MAP4K5: variants seen among roughly 807,000 people sequenced by gnomAD.
The protein encoded by MAP4K5 is mitogen-activated protein kinase kinase kinase kinase 5, also known as MAPK/ERK kinase kinase kinase 5.
Under a neutral mutation model 135.6 loss-of-function variants are expected in MAP4K5, and 82 were observed. The ratio of observed to expected loss-of-function variants is 0.60; its 90% CI spans 0.51 to 0.73. The LOEUF (loss-of-function observed/expected upper bound fraction) is 0.73. MAP4K5 is among the 30% of genes least tolerant of loss of function. MAP4K5 has a pLI of 0.00. For missense variants in MAP4K5, 907 were observed against 1,010.9 expected (o/e 0.90, Z 1.39); for synonymous variants, 347 against 335.0 (o/e 1.04, Z -0.39).
chr14:50,439,643 C>A (rs1476079437), intron 23 of MAP4K5, among the ~76,000 whole-genome samples: 3 of 152,148 alleles, frequency 2.0e-5, no homozygotes, highest in Non-Finnish European at 4.4e-5. Context: ...GTGACTTGTT[C>A]AGGATCGCAG....
chr14:50,449,830 A>C (rs1052299451), intron 14 of MAP4K5: 3 of 152,260 alleles, frequency 2.0e-5, no homozygotes, highest in Non-Finnish European at 4.4e-5. Flanking sequence ...TAGTCTTTTG[A>C]AACAGAGATG....
chr14:50,480,132 G>T (rs77083423), intron 6 of MAP4K5, among the ~76,000 whole-genome samples: 6,297 of 151,890 alleles, frequency 0.041, 137 homozygotes, highest in East Asian at 0.067. Flanking sequence ...AATCTTGGAG[G>T]TATTCCCTTC....
At chr14:50,423,056 A>G (rs1250982514) in intron 32 of MAP4K5, 65 bp downstream of exon 32, 4 of 694,220 alleles carry the variant, frequency 5.8e-6, no homozygotes, top group Non-Finnish European at 9.8e-6. Flanking sequence ...ACAGACTGAC[A>G]GTATAATTAA....
At chr14:50,423,244 A>T in intron 31 of MAP4K5, 68 bp from the exon 32 acceptor site, 1 of 642,008 alleles carries the variant, frequency 1.6e-6, no homozygotes, top group Non-Finnish European at 2.8e-6. Flanking sequence ...ATTTAAAATT[A>T]ATTTAGAGCA....
chr14:50,427,929 T>A (rs1486348209), intron 30 of MAP4K5, among the ~76,000 whole-genome samples: 2 of 152,168 alleles, frequency 1.3e-5, no homozygotes, highest in African/African-American at 2.4e-5. Context: ...GGCAAAGAAT[T>A]ATGGCATATC....
At chr14:50,422,195 T>C (rs1404300894) in intron 32 of MAP4K5, among the ~76,000 whole-genome samples, 1 of 152,190 alleles carries the variant, frequency 6.6e-6, no homozygotes. Context: ...GCCTCTCATT[T>C]TAGTTCTAGA....
At chr14:50,520,743 G>A (rs2038131782) in intron 2 of MAP4K5, among the ~76,000 whole-genome samples, 1 of 151,406 alleles carries the variant, frequency 6.6e-6, no homozygotes. Flanking sequence ...ACAGCAGGAA[G>A]AATATGCAGC....
At chr14:50,531,330 G>A (rs539094447) in intron 2 of MAP4K5, among the ~76,000 whole-genome samples, 4 of 152,272 alleles carry the variant, frequency 2.6e-5, no homozygotes, top group East Asian at 3.9e-4. Context: ...ATCCCTGAAA[G>A]GAACCGCTAA....
At position 50,423,178 on chromosome 14, in the gene MAP4K5, TA is replaced by T; in HGVS notation, c.2398-3del. The T allele has an allele frequency of 1.3e-6, 2 of 1,505,802 alleles. No homozygotes were observed. The highest frequency in any genetic ancestry group is 1.2e-5 in the South Asian group (1 of 85,034). The allele number at this position is 1,505,802 out of a possible 1,614,324, so 93.3% of individuals were successfully genotyped here. ...TTCATCTGAAATCTCCTGGGTAACC[TA>T]GGAAAGAAAAATACCTATCAGTAAC... On this transcript the variant is annotated splice_region_variant and splice_polypyrimidine_tract_variant and intron_variant, in intron 31 of 32. Transcript: ENST00000682126.
chr14:50,496,896 T>G (rs146353878), intron 3 of MAP4K5, among the ~76,000 whole-genome samples: 9 of 152,052 alleles, frequency 5.9e-5, no homozygotes, highest in African/African-American at 1.2e-4. Flanking sequence ...ACCTAAAAAT[T>G]TGTATATCAT....
Position 50,429,165 on chromosome 14 carries a change from C to A in MAP4K5, c.2233+27G>T, listed in dbSNP as rs757626232. On this transcript the variant is annotated intron_variant, in intron 29 of 32. Coordinates refer to ENST00000682126, the MANE Select transcript of MAP4K5 (RefSeq NM_006575.6). ...AAATTGCTTTATCAAGTAGTATACT[C>A]AAAATAAAATTAAAAATAGTACTTA... 8.1e-6 allele frequency: 11 copies of A among 1,355,910 alleles called. 1 individual carries two copies. The South Asian group carries it at 1.4e-4, about 17-fold the overall frequency. The allele number at this position is 1,355,910 out of a possible 1,614,324, so 84.0% of individuals were successfully genotyped here. A position where few individuals can be genotyped will look rare whatever the true frequency, so the allele number is the denominator to read the frequency against.
intron 2 of MAP4K5, among the ~76,000 whole-genome samples, chr14:50,517,090 C>T (rs2038048644): frequency 6.6e-6 from 1 of 151,542 alleles, no homozygotes; most frequent in Non-Finnish European, 1.5e-5. Context: ...GTAGTTATAA[C>T]ATTAGATTCA....
At chr14:50,537,004 TGA>T (rs2038501742), upstream of MAP4K5, among the ~76,000 whole-genome samples, 1 of 152,254 alleles carries the variant, frequency 6.6e-6, no homozygotes, top group Non-Finnish European at 1.5e-5. Context: ...AACGAAAAGC[TGA>T]ATATTAATTC....
chr14:50,527,782 T>C (rs1349790667), intron 2 of MAP4K5, among the ~76,000 whole-genome samples: 2 of 151,288 alleles, frequency 1.3e-5, no homozygotes, highest in Non-Finnish European at 2.9e-5. Flanking sequence ...ATTCATAGGA[T>C]TGCCCAGTCT....
chr14:50,443,589 T>C (rs1595442514), intron 20 of MAP4K5, 140 bp downstream of exon 20: 4 of 692,458 alleles, frequency 5.8e-6, no homozygotes, highest in East Asian at 5.7e-5. Flanking sequence ...GAATACATGA[T>C]GAGATATCCA....
chr14:50,427,114 C>T (rs2035864546), intron 30 of MAP4K5, among the ~76,000 whole-genome samples: 1 of 152,018 alleles, frequency 6.6e-6, no homozygotes, highest in African/African-American at 2.4e-5. Context: ...CAGGAGGATT[C>T]CTGTAATTAT....
At chr14:50,420,745 A>C (rs2139600226) in intron 32 of MAP4K5, among the ~76,000 whole-genome samples, 1 of 152,322 alleles carries the variant, frequency 6.6e-6, no homozygotes, top group South Asian at 2.1e-4. Context: ...CCAAGAGAAT[A>C]AAATAGGACT....
chr14:50,467,746 G>C (rs2036864500), intron 10 of MAP4K5, among the ~76,000 whole-genome samples: 1 of 152,038 alleles, frequency 6.6e-6, no homozygotes, highest in Admixed American at 6.5e-5. Flanking sequence ...TTTCCAAAAG[G>C]TCTGTACTTA....
intron 9 of MAP4K5, among the ~76,000 whole-genome samples, chr14:50,469,613 G>A (rs940878204): frequency 2.6e-5 from 4 of 152,134 alleles, no homozygotes; most frequent in African/African-American, 7.2e-5. Context: ...TTCAAAGGCC[G>A]TAGCAGAGGG....
Sources: gnomAD v4.1 joint callset for allele counts (sites outside exome capture counted in the v4.1 genomes callset) on GRCh38, gnomAD v4.1.1 for gene constraint, MANE v1.5 for transcripts, NCBI Gene and HGNC (gene_info 2026-07-23, HGNC 2026-07-21) for gene names.